The following CLVS1 variants were observed in gnomAD, a reference collection of about 807,000 sequenced individuals.
CLVS1 encodes clavesin 1, also known as clavesin-1.
CLVS1 carries 10 observed loss-of-function variants against 33.1 expected under a neutral mutation model. The ratio of observed to expected loss-of-function variants is 0.30; its 90% CI spans 0.19 to 0.51. The LOEUF (loss-of-function observed/expected upper bound fraction) is 0.51, where lower values mean the gene tolerates loss of function less well. Among genes scored for constraint, CLVS1 ranks in the 20% least tolerant of loss-of-function variants. The probability of loss-of-function intolerance (pLI) is 0.97; values close to 1 mark genes in which losing one functional copy is unlikely to be tolerated. For synonymous variants in CLVS1, 163 were observed against 166.1 expected, an observed-to-expected ratio of 0.98 and a Z score of 0.14; for missense variants, 343 against 433.4, an observed-to-expected ratio of 0.79 and a Z score of 1.85.
chr8:61,385,772 C>T (rs192811822), intron 3 of CLVS1, among the ~76,000 whole-genome samples: 127 of 152,234 alleles, frequency 8.3e-4, no homozygotes, highest in Middle Eastern at 3.4e-3. Flanking sequence ...TACGTGACCT[C>T]TAGTGTCTGC....
chr8:61,011,906 C>T, the CLVS1 span, among the ~76,000 whole-genome samples: 14 of 152,342 alleles, frequency 9.2e-5, no homozygotes, highest in African/African-American at 3.1e-4. Flanking sequence ...GAATGGCGAT[C>T]TGCGTCTGTT....
chr8:61,063,670 A>C (rs1301110698), intron 1 of CLVS1, among the ~76,000 whole-genome samples: 6 of 152,236 alleles, frequency 3.9e-5, no homozygotes, highest in Admixed American at 3.9e-4. Flanking sequence ...CAACATTCAT[A>C]ACCAATAATT....
the CLVS1 span, among the ~76,000 whole-genome samples, chr8:61,051,541 G>T: frequency 6.6e-6 from 1 of 152,206 alleles, no homozygotes. Flanking sequence ...CCAGTTGTTG[G>T]GGTCCCGCCC....
intron 3 of CLVS1, among the ~76,000 whole-genome samples, chr8:61,404,292 C>T (rs118165990): frequency 0.015 from 2,220 of 152,264 alleles, 15 homozygotes; most frequent in Non-Finnish European, 0.018. Context: ...TTTCTCTCAG[C>T]CTCCTGGGAT....
intron 4 of CLVS1, among the ~76,000 whole-genome samples, chr8:61,457,865 C>T (rs1017251206): frequency 8.6e-5 from 13 of 152,028 alleles, no homozygotes; most frequent in Non-Finnish European, 1.5e-4. Flanking sequence ...ATCACCAGGG[C>T]GAATTAGGAA....
intron 2 of CLVS1, among the ~76,000 whole-genome samples, chr8:61,187,042 C>A (rs4033361): frequency 6.6e-6 from 1 of 152,164 alleles, no homozygotes; most frequent in Non-Finnish European, 1.5e-5. Context: ...TCTTTTATAG[C>A]TGGCAACATG....
intron 2 of CLVS1, among the ~76,000 whole-genome samples, chr8:61,214,110 T>C (rs888343598): frequency 6.6e-6 from 1 of 152,180 alleles, no homozygotes; most frequent in African/African-American, 2.4e-5. Context: ...GACCGGTTGC[T>C]CTCAAAACCC....
intron 1 of CLVS1, among the ~76,000 whole-genome samples, chr8:61,121,188 C>T (rs1404052541): frequency 7.2e-5 from 11 of 152,082 alleles, no homozygotes; most frequent in African/African-American, 2.4e-4. Flanking sequence ...ACTCCCTGAC[C>T]CCTTGCGCTT....
chr8:61,339,736 A>AGAGAAAGAGAGAAGGAGGGAGG (rs1276451452), intron 2 of CLVS1, among the ~76,000 whole-genome samples: 4 of 150,008 alleles, frequency 2.7e-5, no homozygotes, highest in Non-Finnish European at 4.4e-5. Context: ...AAGGAGGGAG[A>AGAGAAAGAGAGAAGGAGGGAGG]GAGAAAGAGA....
intron 2 of CLVS1, among the ~76,000 whole-genome samples, chr8:61,327,849 C>G (rs1171927109): frequency 6.6e-6 from 1 of 152,174 alleles, no homozygotes; most frequent in Non-Finnish European, 1.5e-5. Flanking sequence ...CAGTGGCCTT[C>G]TCTGGTTGAT....
At chr8:61,484,668 G>A (rs1421850804) in intron 5 of CLVS1, among the ~76,000 whole-genome samples, 6 of 152,294 alleles carry the variant, frequency 3.9e-5, no homozygotes, top group Admixed American at 3.3e-4. Context: ...AAAGCTGGAG[G>A]CATCACGCTA....
chr8:61,239,381 C>T (rs1189143970), intron 2 of CLVS1, among the ~76,000 whole-genome samples: 2 of 152,132 alleles, frequency 1.3e-5, no homozygotes, highest in East Asian at 1.9e-4. Flanking sequence ...TAGAAAGCCA[C>T]GCCTTATCTG....
In CLVS1 at chr8:61,389,426, A is replaced by G. The variant is rs567641534; in HGVS notation, c.630+12647A>G. ...TGTGGTGGCACATGCCTGTAGTCCC[A>G]GCTACTCGGCAGGCTGAGGCAGGAG... On this transcript the variant is annotated intron_variant, in intron 3 of 5. Coordinates refer to ENST00000325897, the MANE Select transcript of CLVS1 (RefSeq NM_173519.3). 1.3e-4 allele frequency among the ~76,000 whole-genome samples: 20 copies of G among 152,220 alleles called. No homozygotes were observed. The East Asian group carries it at 3.3e-3, about 25-fold the overall frequency.
chr8:61,227,540 C>G (rs1276881543), intron 2 of CLVS1, among the ~76,000 whole-genome samples: 1 of 152,156 alleles, frequency 6.6e-6, no homozygotes, highest in Non-Finnish European at 1.5e-5. Context: ...GGACATGAGT[C>G]ACTGTTTTCA....
At chr8:61,311,340 TG>T (rs1396202653) in intron 2 of CLVS1, among the ~76,000 whole-genome samples, 4 of 152,226 alleles carry the variant, frequency 2.6e-5, no homozygotes, top group Admixed American at 2.0e-4. Flanking sequence ...ACAATCTCCT[TG>T]TCAGATATAC....
chr8:61,373,178 C>A (rs1026779728), intron 2 of CLVS1, among the ~76,000 whole-genome samples: 1 of 152,116 alleles, frequency 6.6e-6, no homozygotes, highest in African/African-American at 2.4e-5. Flanking sequence ...CGAGGAAATT[C>A]ATACAAGGAA....
chr8:61,235,250 T>C (rs1808531255), intron 2 of CLVS1, among the ~76,000 whole-genome samples: 1 of 152,192 alleles, frequency 6.6e-6, no homozygotes, highest in Non-Finnish European at 1.5e-5. Flanking sequence ...GGAGCTGTGA[T>C]TGTCCCAAAA....
rs553163986 is a variant in CLVS1 at position 61,412,185 on chromosome 8, T to G, written c.630+35406T>G. 1.2e-4 allele frequency among the ~76,000 whole-genome samples: 19 copies of G among 152,304 alleles called. 1 individual carries two copies. Among genetic ancestry groups the G allele is most frequent in the Middle Eastern group, 6.8e-3 (2 of 294 alleles). The stretch of plus-strand genomic sequence containing the variant: ...TCCATCCTTACAGAAAGTGATGATT[T>G]GGTGGAGGATGTGAATATATATACC... On this transcript the variant is annotated intron_variant, in intron 3 of 5. Transcript: ENST00000325897.
At chr8:61,471,618 C>T (rs1490511413) in intron 5 of CLVS1, among the ~76,000 whole-genome samples, 1 of 152,144 alleles carries the variant, frequency 6.6e-6, no homozygotes, top group African/African-American at 2.4e-5. Context: ...GAGCGGGCCA[C>T]AGAAAGCAAA....
Sources: allele counts gnomAD v4.1 joint callset (sites outside exome capture counted in the v4.1 genomes callset), GRCh38; gene constraint gnomAD v4.1.1; transcripts MANE v1.5; gene names NCBI Gene and HGNC (gene_info 2026-07-23, HGNC 2026-07-21).